The following ARHGEF37 variants were observed in gnomAD, a reference collection of about 807,000 sequenced individuals.
The protein encoded by ARHGEF37 is Rho guanine nucleotide exchange factor (GEF) 37.
ARHGEF37 carries 55 observed loss-of-function variants against 71.1 expected under a neutral mutation model. That is an observed-to-expected ratio of 0.77 (90% CI 0.62 to 0.97). ARHGEF37 has a LOEUF of 0.97. ARHGEF37 is among the 50% of genes least tolerant of loss of function. The pLI, the probability that ARHGEF37 is intolerant of heterozygous loss-of-function variation, is 0.00. For missense variants in ARHGEF37, 765 were observed against 836.8 expected (o/e 0.91, Z 1.06); for synonymous variants, 327 against 350.6 (o/e 0.93, Z 0.75).
chr5:149,580,310 C>T (rs112623210), upstream of ARHGEF37, among the ~76,000 whole-genome samples: 16 of 152,214 alleles, frequency 1.1e-4, no homozygotes, highest in South Asian at 2.3e-3. Context: ...CTGCCCCCCC[C>T]TCAGCTTCCC....
At chr5:149,598,339 CTCTTCCTCTTCTTCTTCCTCTTCCTCT>C (rs1763627315) in intron 2 of ARHGEF37, among the ~76,000 whole-genome samples, 1 of 78,554 alleles carries the variant, frequency 1.3e-5, no homozygotes, top group Non-Finnish European at 2.6e-5. Context: ...CTTCCTCTTC[CTCTTCCTCTTCTTCTTCCTCTTCCTCT>C]TCTTCCTCTT....
At chr5:149,588,812 G>A (rs1531235) in intron 1 of ARHGEF37, among the ~76,000 whole-genome samples, 41,398 of 152,132 alleles carry the variant, frequency 0.27, 6,309 homozygotes, top group African/African-American at 0.41. Flanking sequence ...GCCTTGGGCA[G>A]CTAGCTGATG....
chr5:149,581,833 C>T (rs1763114859), intron 1 of ARHGEF37, among the ~76,000 whole-genome samples: 1 of 152,164 alleles, frequency 6.6e-6, no homozygotes, highest in South Asian at 2.1e-4. Context: ...CTACCCTAGT[C>T]GTTTTACAGG....
chr5:149,593,827 A>G (rs1444589391), intron 1 of ARHGEF37, among the ~76,000 whole-genome samples: 2 of 152,188 alleles, frequency 1.3e-5, no homozygotes, highest in East Asian at 3.9e-4. Context: ...GAGGAGGAGG[A>G]GGGGTTGCCC....
At chr5:149,579,461 C>G (rs1763064592), upstream of ARHGEF37, among the ~76,000 whole-genome samples, 1 of 152,180 alleles carries the variant, frequency 6.6e-6, no homozygotes, top group Non-Finnish European at 1.5e-5. Flanking sequence ...CCTTAGAGAT[C>G]ACCTCAATCA....
At chr5:149,626,920 G>A (rs1028517117) in intron 10 of ARHGEF37, 156 bp from the exon 11 acceptor site, 1 of 590,088 alleles carries the variant, frequency 1.7e-6, no homozygotes, top group Non-Finnish European at 2.8e-6. Flanking sequence ...CCATCTGCTA[G>A]TGAGGGCCCT....
chr5:149,598,034 C>G (rs530542400), intron 2 of ARHGEF37, 79 bp downstream of exon 2: 6 of 1,467,700 alleles, frequency 4.1e-6, no homozygotes, highest in East Asian at 5.2e-5. Context: ...CTCATCCATT[C>G]CTGGGGCAAG....
intron 4 of ARHGEF37, among the ~76,000 whole-genome samples, chr5:149,612,012 A>G (rs2113348748): frequency 6.6e-6 from 1 of 152,330 alleles, no homozygotes; most frequent in South Asian, 2.1e-4. Flanking sequence ...ACTAAAAGAT[A>G]TAAGGAAGCC....
intron 1 of ARHGEF37, among the ~76,000 whole-genome samples, chr5:149,553,800 T>C (rs903675775): frequency 6.6e-6 from 1 of 152,240 alleles, no homozygotes; most frequent in African/African-American, 2.4e-5. Context: ...TTTTCACATA[T>C]GTGTCATTAA....
intron 1 of ARHGEF37, among the ~76,000 whole-genome samples, chr5:149,563,691 T>C (rs1157343321): frequency 1.3e-5 from 2 of 152,222 alleles, no homozygotes; most frequent in Admixed American, 6.5e-5. Flanking sequence ...ATAGAAACTT[T>C]ACAATTATTG....
At chr5:149,618,114 G>A (rs1449991877) in intron 5 of ARHGEF37, 62 bp from the exon 6 acceptor site, 20 of 1,600,796 alleles carry the variant, frequency 1.2e-5, no homozygotes, top group Middle Eastern at 1.7e-4. Flanking sequence ...GGGCATGTCC[G>A]TGACATCCAC....
chr5:149,560,582 T>C (rs1002914558), intron 1 of ARHGEF37, among the ~76,000 whole-genome samples: 1 of 152,194 alleles, frequency 6.6e-6, no homozygotes, highest in African/African-American at 2.4e-5. Context: ...TGGACTTCAA[T>C]GTTGTAATCT....
chr5:149,567,447 T>G lies in ARHGEF37; in HGVS notation c.-12+15324T>G, dbSNP rs185172231. Among the ~76,000 whole-genome samples the G allele has an allele frequency of 5.6e-4, 85 of 152,346 alleles. 1 individual carries two copies. Among genetic ancestry groups the G allele is most frequent in the African/African-American group, 2.0e-3 (82 of 41,586 alleles). On this transcript the variant is annotated intron_variant, in intron 1 of 2. Transcript: ENST00000505810. The stretch of plus-strand genomic sequence containing the variant: ...TTAATAAGTAATGTGTGGCAAGGTA[T>G]TTTGAGACTACATAAATATACTGTT...
At chr5:149,618,908 A>C (rs1198162454) in intron 6 of ARHGEF37, 30 bp from the exon 7 acceptor site, 2 of 1,564,144 alleles carry the variant, frequency 1.3e-6, no homozygotes, top group Non-Finnish European at 1.8e-6. Context: ...CCATGTGGAT[A>C]TTCTCAACCC....
At chr5:149,565,074 CATTT>C (rs1352365988) in intron 1 of ARHGEF37, among the ~76,000 whole-genome samples, 1 of 152,180 alleles carries the variant, frequency 6.6e-6, no homozygotes, top group African/African-American at 2.4e-5. Flanking sequence ...GCCAAAATAA[CATTT>C]GAGGAGCCAG....
intron 3 of ARHGEF37, 142 bp downstream of exon 3, chr5:149,601,373 A>T: frequency 9.9e-7 from 1 of 1,010,024 alleles, no homozygotes; most frequent in Non-Finnish European, 1.4e-6. Context: ...AAAACACAAC[A>T]TATCAGAGCC....
intron 12 of ARHGEF37, among the ~76,000 whole-genome samples, chr5:149,630,314 G>A (rs368007095): frequency 6.6e-6 from 1 of 152,162 alleles, no homozygotes; most frequent in African/African-American, 2.4e-5. Flanking sequence ...GTAAAGCTGG[G>A]CTGCATGTAT....
intron 3 of ARHGEF37, among the ~76,000 whole-genome samples, chr5:149,601,924 A>G (rs1012893502): frequency 2.6e-4 from 39 of 152,168 alleles, no homozygotes; most frequent in African/African-American, 8.4e-4. Context: ...TAGAAGAGGC[A>G]CGCAAGGACC....
chr5:149,620,521 G>A, intron 8 of ARHGEF37, 57 bp downstream of exon 8: 2 of 1,412,810 alleles, frequency 1.4e-6, no homozygotes, highest in East Asian at 2.4e-5. Flanking sequence ...GAGCTTACAA[G>A]AATAATATTT....
Sources: gnomAD v4.1 joint callset for allele counts (sites outside exome capture counted in the v4.1 genomes callset) on GRCh38, gnomAD v4.1.1 for gene constraint, MANE v1.5 for transcripts, NCBI Gene and HGNC (gene_info 2026-07-23, HGNC 2026-07-21) for gene names.